The following SLC6A3 variants were observed in gnomAD, a reference collection of about 807,000 sequenced individuals.
The protein encoded by SLC6A3 is solute carrier family 6 member 3.
Under a neutral mutation model 70.4 loss-of-function variants are expected in SLC6A3, and 19 were observed. That is an observed-to-expected ratio of 0.27 (90% CI 0.19 to 0.40). The LOEUF (loss-of-function observed/expected upper bound fraction) is 0.40, where lower values mean the gene tolerates loss of function less well. SLC6A3 is among the 10% of genes least tolerant of loss of function. SLC6A3 has a pLI of 1.00. For missense variants in SLC6A3, 613 were observed against 838.5 expected (o/e 0.73, Z 3.32); for synonymous variants, 368 against 356.6 (o/e 1.03, Z -0.36).
Position 1,408,736 on chromosome 5 carries a change from G to T in SLC6A3, c.1498+290C>A, listed in dbSNP as rs1414384253. Among the ~76,000 whole-genome samples, 3 of 152,192 alleles carry T rather than the reference G, an allele frequency of 2.0e-5. No homozygotes were observed. Among genetic ancestry groups the T allele is most frequent in the Non-Finnish European group, 4.4e-5 (3 of 68,038 alleles). ...GCATGGATCTGATTGTGTTCCCCTG[G>T]GTGGGATGGGCTCACCGGTGCCTCT... On this transcript the variant is annotated intron_variant, in intron 11 of 14. Coordinates refer to ENST00000270349, the MANE Select transcript of SLC6A3 (RefSeq NM_001044.5). This position sits in a 1 kb window ranked among gnomAD's most constrained non-coding sequence, Gnocchi z 6.4.
chr5:1,418,450 A>G (rs915336961), intron 6 of SLC6A3, among the ~76,000 whole-genome samples: 3 of 152,110 alleles, frequency 2.0e-5, no homozygotes, highest in African/African-American at 4.8e-5. Flanking sequence ...ATCCATCACC[A>G]ATCTATCATC....
rs1252379347 is a variant in SLC6A3, at chr5:1,404,536, A to G, written c.1600-1447T>C. ...TGTAAGTTGCCTTTGCTCCGGCATA[A>G]TTTCCCTTTAGCAGTGCTGTGGCAT... On this transcript the variant is annotated intron_variant, in intron 12 of 14. Coordinates refer to ENST00000270349, the MANE Select transcript of SLC6A3 (RefSeq NM_001044.5). This position sits in a 1 kb window ranked among gnomAD's most constrained non-coding sequence, Gnocchi z 5.2. Among the ~76,000 whole-genome samples the G allele has an allele frequency of 6.6e-6, 1 of 152,176 alleles. No homozygotes were observed. Among genetic ancestry groups the G allele is most frequent in the Non-Finnish European group, 1.5e-5 (1 of 68,042 alleles).
In SLC6A3 at chr5:1,413,253, A is replaced by T. The variant is rs1756168955; in HGVS notation, c.1156+1438T>A. 6.6e-6 allele frequency among the ~76,000 whole-genome samples: 1 copy of T among 152,214 alleles called. No homozygotes were observed. Among genetic ancestry groups the T allele is most frequent in the Non-Finnish European group, 1.5e-5 (1 of 68,038 alleles). On this transcript the variant is annotated intron_variant, in intron 8 of 14. Coordinates refer to ENST00000270349, the MANE Select transcript of SLC6A3 (RefSeq NM_001044.5). The surrounding 1 kb of genome is among the most constrained non-coding windows in gnomAD (Gnocchi z 7.1). ...TTCACTGCTCTGCATTTATTTGCAG[A>T]TGTTCCCTTTCTCCCGCTTTGACTG...
rs202173303 is a variant in SLC6A3 at position 1,414,810 on chromosome 5, G to A, written c.1037C>T (p.Ala346Val). ...NKFTNNCYRD[A>V]IVTTSINSLT... is the part of the protein sequence containing the mutation. ...GGAGTTGATGGAGGTGGTGACAATCGCGTCCCTGTAAGAACAAGACACGCC... is the reference window on the plus strand; with the variant it reads ...GGAGTTGATGGAGGTGGTGACAATCACGTCCCTGTAAGAACAAGACACGCC... Residue 346 changes from alanine (A) to valine (V), a missense_variant, in exon 8 of 15, where the codon GCG (alanine) becomes GTG (valine). Coordinates refer to ENST00000270349, the MANE Select transcript of SLC6A3 (RefSeq NM_001044.5). 122 of 1,612,882 alleles carry A rather than the reference G, an allele frequency of 7.6e-5. No homozygotes were observed. The highest frequency in any genetic ancestry group is 3.3e-4 in the Middle Eastern group (2 of 6,062).
rs565677614 is a variant in SLC6A3, at chr5:1,396,720, A to G, written c.1840-1962T>C. 5.3e-5 allele frequency among the ~76,000 whole-genome samples: 8 copies of G among 152,322 alleles called. No individual in the cohort carries two copies. In the East Asian group the frequency reaches 1.2e-3, roughly 22 times the overall value. On this transcript the variant is annotated intron_variant, in intron 14 of 14. Coordinates refer to ENST00000270349, the MANE Select transcript of SLC6A3 (RefSeq NM_001044.5). This position sits in a 1 kb window ranked among gnomAD's most constrained non-coding sequence, Gnocchi z 7.0. ...CTCTGATGCCCACACAGGGCTGGGCACGGTGCCTGTTCCCCCAGCCAGGAG... is the reference window on the plus strand; with the variant it reads ...CTCTGATGCCCACACAGGGCTGGGCGCGGTGCCTGTTCCCCCAGCCAGGAG...
chr5:1,400,963 G>C lies in SLC6A3; in HGVS notation c.1791C>G (p.Pro597=). Residue 597 remains proline (P), a synonymous_variant, in exon 14 of 15, where the codon CCC becomes CCG. Transcript: ENST00000270349. ...TGTCCACCAGCTCACGGTCCTTCTC[G>C]GGTGCAATGGCGTAGGCCAGTTTCT... is the stretch of plus-strand genomic sequence containing the variant. ...FREKLAYAIA[P]EKDRELVDRG... is the part of the protein sequence containing the mutation. The C allele has an allele frequency of 6.3e-7, 1 of 1,597,120 alleles. No homozygotes were observed. Among genetic ancestry groups the C allele is most frequent in the African/African-American group, 1.3e-5 (1 of 74,736 alleles).
intron 6 of SLC6A3, among the ~76,000 whole-genome samples, chr5:1,419,234 C>T (rs1163275105): frequency 6.6e-6 from 1 of 151,614 alleles, no homozygotes; most frequent in Non-Finnish European, 1.5e-5. Flanking sequence ...ATACATCCAG[C>T]CAGCCAGCCT....
At chr5:1,407,457 A>G (rs543532480) in intron 11 of SLC6A3, among the ~76,000 whole-genome samples, 196 of 152,340 alleles carry the variant, frequency 1.3e-3, no homozygotes, top group African/African-American at 4.6e-3. Flanking sequence ...CCCCTGCCGG[A>G]GCAGGAGTCA....
intron 7 of SLC6A3, 35 bp downstream of exon 7, chr5:1,416,063 G>T (rs1222303875): frequency 1.3e-6 from 2 of 1,492,508 alleles, no homozygotes. Context: ...CCCTAGTATT[G>T]ATGAGGCCCC....
rs772076040 is a variant in SLC6A3 at position 1,442,417 on chromosome 5, G to A, written c.286+495C>T. On this transcript the variant is annotated intron_variant, in intron 2 of 14. Coordinates refer to ENST00000270349, the MANE Select transcript of SLC6A3 (RefSeq NM_001044.5). This position sits in a 1 kb window ranked among gnomAD's most constrained non-coding sequence, Gnocchi z 5.0. The stretch of plus-strand genomic sequence containing the variant: ...ATCACCAATGTTCTTGGACGTCCCC[G>A]GTGGCCCTGCCTCGATCTTCGCTTT... Among the ~76,000 whole-genome samples, 20 of 152,262 alleles carry A rather than the reference G, an allele frequency of 1.3e-4. No individual in the cohort carries two copies. The South Asian group carries it at 1.9e-3, about 14-fold the overall frequency.
chr5:1,416,846 C>G (rs568006602), intron 6 of SLC6A3, among the ~76,000 whole-genome samples: 1 of 142,750 alleles, frequency 7.0e-6, no homozygotes, highest in Non-Finnish European at 1.5e-5. Context: ...AACAGCACGG[C>G]CTCATCCACA....
At chr5:1,431,275 G>A (rs938614144) in intron 4 of SLC6A3, among the ~76,000 whole-genome samples, 8 of 152,256 alleles carry the variant, frequency 5.3e-5, no homozygotes, top group Non-Finnish European at 7.3e-5. Context: ...CATTGGTGAC[G>A]AGGGAGGGCC....
At chr5:1,441,527 G>A (rs374212682) in intron 2 of SLC6A3, 37 bp from the exon 3 acceptor site, 19 of 1,608,828 alleles carry the variant, frequency 1.2e-5, no homozygotes, top group African/African-American at 1.1e-4. Context: ...TTGGGGCCTC[G>A]GAAGGGCCCA....
rs559243715 is a variant in SLC6A3, at chr5:1,437,026, C to T, written c.419-4328G>A. ...CAGCACTTTGGGAGGCCAAGGCAGG[C>T]GGATCATGAGGTCAGGCAATCGAGA... On this transcript the variant is annotated intron_variant, in intron 3 of 14. Coordinates refer to ENST00000270349, the MANE Select transcript of SLC6A3 (RefSeq NM_001044.5). This position sits in a 1 kb window ranked among gnomAD's most constrained non-coding sequence, Gnocchi z 4.8. Among the ~76,000 whole-genome samples, 7 of 152,164 alleles carry T rather than the reference C, an allele frequency of 4.6e-5. No individual in the cohort carries two copies. Among genetic ancestry groups the T allele is most frequent in the South Asian group, 2.1e-4 (1 of 4,828 alleles).
In SLC6A3 at chr5:1,436,565, C is replaced by T. The variant is rs1756840812; in HGVS notation, c.419-3867G>A. ...GCCCATTTCCTTAAATTTATTTTTG[C>T]TTAGTATCTTTTTCTTTATATTAAC... is the stretch of plus-strand genomic sequence containing the variant. On this transcript the variant is annotated intron_variant, in intron 3 of 14. Transcript: ENST00000270349. The surrounding 1 kb of genome is among the most constrained non-coding windows in gnomAD (Gnocchi z 5.2). Among the ~76,000 whole-genome samples, 1 of 152,170 alleles carries T rather than the reference C, an allele frequency of 6.6e-6. No homozygotes were observed. The highest frequency in any genetic ancestry group is 2.1e-4 in the South Asian group (1 of 4,828).
chr5:1,427,421 C>A (rs757818843), intron 4 of SLC6A3, among the ~76,000 whole-genome samples: 2 of 151,856 alleles, frequency 1.3e-5, no homozygotes, highest in Non-Finnish European at 2.9e-5. Context: ...AAAATGAAAG[C>A]CTAAAAAATT....
At chr5:1,424,012 C>T (rs572920702) in intron 4 of SLC6A3, among the ~76,000 whole-genome samples, 27 of 152,318 alleles carry the variant, frequency 1.8e-4, no homozygotes, top group African/African-American at 6.0e-4. Flanking sequence ...CCCAGGAATT[C>T]GGCTCTTCAA....
At chr5:1,443,754 A>T (rs1733736488) in intron 1 of SLC6A3, among the ~76,000 whole-genome samples, 1 of 151,950 alleles carries the variant, frequency 6.6e-6, no homozygotes, top group African/African-American at 2.4e-5. Context: ...TCACTGCCTC[A>T]ACCTCCTAGG....
rs1755850384 is a variant in SLC6A3 at position 1,401,482 on chromosome 5, G to A, written c.1768-496C>T. Reference sequence around the variant, plus strand: ...CCACTGCCCGCTGCGGCAGCTCCTGGGGCCTGGACAGCACCAAGTCCTCCC... The same window carrying A: ...CCACTGCCCGCTGCGGCAGCTCCTGAGGCCTGGACAGCACCAAGTCCTCCC... On this transcript the variant is annotated intron_variant, in intron 13 of 14. Coordinates refer to ENST00000270349, the MANE Select transcript of SLC6A3 (RefSeq NM_001044.5). This position sits in a 1 kb window ranked among gnomAD's most constrained non-coding sequence, Gnocchi z 6.1. 6.6e-6 allele frequency among the ~76,000 whole-genome samples: 1 copy of A among 152,180 alleles called. No individual in the cohort carries two copies. Among genetic ancestry groups the A allele is most frequent in the Non-Finnish European group, 1.5e-5 (1 of 68,026 alleles).
Sources: allele counts gnomAD v4.1 joint callset (sites outside exome capture counted in the v4.1 genomes callset), GRCh38; gene constraint gnomAD v4.1.1; non-coding constraint Gnocchi (gnomAD v3.1); transcripts MANE v1.5; gene names NCBI Gene and HGNC (gene_info 2026-07-23, HGNC 2026-07-21).